The following NDUFA10 variants were observed in gnomAD, a reference collection of about 807,000 sequenced individuals.
NDUFA10 encodes NADH dehydrogenase [ubiquinone] 1 alpha subcomplex subunit 10, mitochondrial.
NDUFA10 carries 40 observed loss-of-function variants against 47.8 expected under a neutral mutation model. The observed-to-expected ratio is 0.84, with a 90% CI of 0.65 to 1.09. The LOEUF is 1.09. Ranked by LOEUF, NDUFA10 falls within the 50% of genes least tolerant of loss-of-function variation. The probability of loss-of-function intolerance (pLI) is 0.00; values close to 1 mark genes in which losing one functional copy is unlikely to be tolerated. For synonymous variants in NDUFA10, 183 were observed against 172.2 expected (o/e 1.06, Z -0.49); for missense variants, 413 against 451.1 (o/e 0.92, Z 0.76).
At position 239,959,120 on chromosome 2, in the gene NDUFA10, A is replaced by G. The variant is rs1559316343; in HGVS notation, c.*1998T>C. The G allele has an allele frequency of 3.0e-6, 3 of 985,350 alleles. No individual in the cohort carries two copies. Among genetic ancestry groups the G allele is most frequent in the South Asian group, 9.4e-5 (2 of 21,292 alleles). 61.0% of individuals were successfully genotyped at this position (985,350 alleles called of 1,614,324 possible). On this transcript the variant is annotated 3_prime_UTR_variant, in exon 10 of 10. Transcript: ENST00000252711. Reference sequence around the variant, plus strand: ...GTCATTGAAAACACCAGAAAATCAAACAGACGAATGTCCTCAGCACTACAA... The same window carrying G: ...GTCATTGAAAACACCAGAAAATCAAGCAGACGAATGTCCTCAGCACTACAA...
chr2:240,000,458 A>C (rs1052224200), intron 8 of NDUFA10, among the ~76,000 whole-genome samples: 1 of 152,276 alleles, frequency 6.6e-6, no homozygotes, highest in African/African-American at 2.4e-5. Context: ...ATACTTCTAG[A>C]ATAAGGATAT....
chr2:240,014,987 C>G, intron 4 of NDUFA10, 127 bp from the exon 5 acceptor site: 5 of 1,366,374 alleles, frequency 3.7e-6, no homozygotes, highest in Non-Finnish European at 5.1e-6. Context: ...ATCTACAAAC[C>G]CTATCTCGGT....
chr2:239,901,015 G>A (rs1366750096), intron 4 of NDUFA10, among the ~76,000 whole-genome samples: 1 of 152,232 alleles, frequency 6.6e-6, no homozygotes, highest in East Asian at 1.9e-4. Context: ...AGAAGAAACA[G>A]CTTTCTGTTG....
At position 239,960,944 on chromosome 2, in the gene NDUFA10, A is replaced by G. The variant is rs1694829268; in HGVS notation, c.*174T>C. On this transcript the variant is annotated 3_prime_UTR_variant, in exon 10 of 10. Transcript: ENST00000252711. ...ATCCAGAATGGAAGCTGCTTCCCCC[A>G]ACTCCATTACCTATACTACAGGATG... 1 of 1,509,006 alleles carries G rather than the reference A, an allele frequency of 6.6e-7. No individual in the cohort carries two copies. The highest frequency in any genetic ancestry group is 8.9e-7 in the Non-Finnish European group (1 of 1,125,256). The allele number at this position is 1,509,006 out of a possible 1,614,324, so 93.5% of individuals were successfully genotyped here.
At chr2:240,004,291 T>C (rs6437230) in intron 8 of NDUFA10, among the ~76,000 whole-genome samples, 4,589 of 152,252 alleles carry the variant, frequency 0.03, 225 homozygotes, top group African/African-American at 0.1. Context: ...GCAGTTTCAA[T>C]AGAGTGGTGC....
intron 9 of NDUFA10, among the ~76,000 whole-genome samples, chr2:239,964,284 G>A (rs926220007): frequency 3.3e-5 from 5 of 152,128 alleles, no homozygotes; most frequent in Non-Finnish European, 7.4e-5. Context: ...AGAAGGAGAT[G>A]TGACAATGGA....
chr2:239,999,563 C>G (rs908081033), intron 8 of NDUFA10, among the ~76,000 whole-genome samples: 19 of 152,212 alleles, frequency 1.2e-4, no homozygotes, highest in African/African-American at 4.6e-4. Context: ...AACCCAGTGC[C>G]CCCGCCCTCA....
downstream of NDUFA10, among the ~76,000 whole-genome samples, chr2:239,953,336 G>C (rs1694592507): frequency 6.6e-6 from 1 of 152,166 alleles, no homozygotes; most frequent in Admixed American, 6.5e-5. Flanking sequence ...CTGCAGGAGG[G>C]ACCAGCCCTG....
In NDUFA10 at chr2:239,898,546, G is replaced by T. The variant is rs1004076446; in HGVS notation, c.295-3232C>A. 2.0e-5 allele frequency among the ~76,000 whole-genome samples: 3 copies of T among 152,374 alleles called. No homozygotes were observed. In the South Asian group the frequency reaches 6.2e-4, roughly 32 times the overall value. ...CCCTGGGGCTTCCAACCCCAAAAGAGATCAGACCCGAAGAGGGCACCAGCA... is the reference window on the plus strand; with the variant it reads ...CCCTGGGGCTTCCAACCCCAAAAGATATCAGACCCGAAGAGGGCACCAGCA... On this transcript the variant is annotated intron_variant, in intron 4 of 5. Transcript: ENST00000419408.
intron 4 of NDUFA10, among the ~76,000 whole-genome samples, chr2:239,947,654 G>T (rs924243738): frequency 6.6e-6 from 1 of 152,120 alleles, no homozygotes; most frequent in African/African-American, 2.4e-5. Flanking sequence ...GGGTCCTCCC[G>T]GGGCTCCTCT....
At chr2:239,982,422 C>T (rs1695815795) in intron 9 of NDUFA10, among the ~76,000 whole-genome samples, 1 of 152,224 alleles carries the variant, frequency 6.6e-6, no homozygotes. Flanking sequence ...GCAATTCAAA[C>T]ATCACAATAA....
intron 9 of NDUFA10, chr2:239,973,565 G>C (rs931929624): frequency 2.1e-6 from 1 of 469,252 alleles, no homozygotes; most frequent in Middle Eastern, 3.3e-4. Flanking sequence ...TCAGCTTCAA[G>C]GAGGGAACGA....
At chr2:240,017,063 C>T (rs748013914) in intron 4 of NDUFA10, among the ~76,000 whole-genome samples, 4 of 152,140 alleles carry the variant, frequency 2.6e-5, no homozygotes, top group Non-Finnish European at 5.9e-5. Flanking sequence ...CTGCTGTGCA[C>T]GCCTGTCCCA....
intron 4 of NDUFA10, among the ~76,000 whole-genome samples, chr2:239,950,472 C>T (rs376373099): frequency 3.6e-4 from 55 of 152,336 alleles, no homozygotes; most frequent in African/African-American, 1.3e-3. Flanking sequence ...CCTTGCTCCC[C>T]GAAGACTCTG....
intron 4 of NDUFA10, among the ~76,000 whole-genome samples, chr2:239,916,118 C>T (rs1396549273): frequency 6.6e-6 from 1 of 151,552 alleles, no homozygotes; most frequent in African/African-American, 2.4e-5. Context: ...AGAACACACA[C>T]ATACATAGAC....
chr2:239,914,700 A>AACAC (rs573836469), intron 4 of NDUFA10, among the ~76,000 whole-genome samples: 7 of 31,446 alleles, frequency 2.2e-4, no homozygotes, highest in Admixed American at 3.5e-4. Context: ...ACACACAGAG[A>AACAC]ACACATACAT....
chr2:240,021,369 A>G lies in NDUFA10; in HGVS notation c.288T>C (p.Ser96=). The G allele has an allele frequency of 1.2e-6, 2 of 1,614,192 alleles. No individual in the cohort carries two copies. The highest frequency in any genetic ancestry group is 1.7e-6 in the Non-Finnish European group (2 of 1,180,028). ...CGAGGGGCTTCCCATCTCCTGTGGT[A>G]CTGTCTGGATAATGAATCCCCGCTT... The part of the protein sequence containing the change: ...FPEAGIHYPD[S]TTGDGKPLAT... The change falls in exon 3 of 10, where the codon AGT becomes AGC. Residue 96 remains serine (S), a synonymous_variant. Transcript: ENST00000252711.
At chr2:239,965,262 C>G (rs1426569120) in intron 9 of NDUFA10, among the ~76,000 whole-genome samples, 2 of 151,834 alleles carry the variant, frequency 1.3e-5, no homozygotes, top group Non-Finnish European at 2.9e-5. Flanking sequence ...TTCTCAGATC[C>G]TGGGGTCTCT....
intron 8 of NDUFA10, among the ~76,000 whole-genome samples, chr2:240,004,740 T>C (rs1574876326): frequency 6.6e-6 from 1 of 151,916 alleles, no homozygotes; most frequent in African/African-American, 2.4e-5. Flanking sequence ...GCCAAGCCCC[T>C]GCCCTCTGCT....
Sources: allele counts gnomAD v4.1 joint callset (sites outside exome capture counted in the v4.1 genomes callset), GRCh38; gene constraint gnomAD v4.1.1; transcripts MANE v1.5; gene names NCBI Gene and HGNC (gene_info 2026-07-23, HGNC 2026-07-21).